The following KHDRBS2 variants were observed in gnomAD, a reference collection of about 807,000 sequenced individuals.
KHDRBS2 encodes the protein KH RNA binding domain containing, signal transduction associated 2.
Under a neutral mutation model 44.3 loss-of-function variants are expected in KHDRBS2, and 26 were observed. The ratio of observed to expected loss-of-function variants is 0.59; its 90% CI spans 0.43 to 0.81. The LOEUF (loss-of-function observed/expected upper bound fraction) is 0.81, where lower values mean the gene tolerates loss of function less well. KHDRBS2 is among the 40% of genes least tolerant of loss of function. The pLI is 0.00. For synonymous variants in KHDRBS2, 194 were observed against 151.1 expected, an observed-to-expected ratio of 1.28 and a Z score of -2.08; for missense variants, 476 against 433.1, an observed-to-expected ratio of 1.10 and a Z score of -0.88.
chr6:61,613,614 C>G, the KHDRBS2 span, among the ~76,000 whole-genome samples: 95 of 150,970 alleles, frequency 6.3e-4, no homozygotes, highest in Admixed American at 1.1e-3. Flanking sequence ...TCATTACAAT[C>G]TTGCTTTATT....
chr6:61,681,002 G>A lies in KHDRBS2; in HGVS notation c.1011C>T (p.Ala337=). 1.2e-6 allele frequency: 2 copies of A among 1,611,748 alleles called. No homozygotes were observed. Among genetic ancestry groups the A allele is most frequent in the African/African-American group, 1.3e-5 (1 of 74,828 alleles). Residue 337 remains alanine, a synonymous_variant, in exon 9 of 9, where the codon GCC becomes GCT. Transcript: ENST00000281156. ...SSLKAPPQRS[A]RGGYREHPYG... ...AGGGGTGTTCCCTGTATCCCCCTCT[G>A]GCTGACCTTTGCGGTGGTGCCTTCA... is the stretch of plus-strand genomic sequence containing the variant.
intron 1 of KHDRBS2, among the ~76,000 whole-genome samples, chr6:62,196,922 T>C (rs938628100): frequency 2.0e-5 from 3 of 152,096 alleles, no homozygotes; most frequent in Non-Finnish European, 2.9e-5. Context: ...CCATAAAGCA[T>C]AGATGTCTTC....
intron 2 of KHDRBS2, among the ~76,000 whole-genome samples, chr6:62,083,137 G>A (rs528562587): frequency 2.6e-5 from 4 of 151,934 alleles, no homozygotes; most frequent in South Asian, 2.1e-4. Flanking sequence ...CCCTGCCCCC[G>A]ATTCTGTAGC....
At chr6:62,176,111 A>T (rs920924774) in intron 2 of KHDRBS2, among the ~76,000 whole-genome samples, 21 of 151,358 alleles carry the variant, frequency 1.4e-4, no homozygotes, top group Admixed American at 1.3e-3. Context: ...ACATATTTCT[A>T]CCTTATTTCA....
At chr6:62,072,735 C>T (rs554428452) in intron 2 of KHDRBS2, among the ~76,000 whole-genome samples, 59 of 152,130 alleles carry the variant, frequency 3.9e-4, no homozygotes, top group Admixed American at 5.9e-4. Flanking sequence ...CTGCTGGATT[C>T]GGTTTGCCAT....
At chr6:61,882,922 C>G (rs571761475) in intron 6 of KHDRBS2, among the ~76,000 whole-genome samples, 1 of 152,070 alleles carries the variant, frequency 6.6e-6, no homozygotes, top group South Asian at 2.1e-4. Flanking sequence ...CAAAACACAG[C>G]AATTAATGTT....
At chr6:62,249,584 C>T (rs1228498645) in intron 1 of KHDRBS2, among the ~76,000 whole-genome samples, 2 of 151,926 alleles carry the variant, frequency 1.3e-5, no homozygotes, top group Non-Finnish European at 2.9e-5. Flanking sequence ...TATTAAGTAA[C>T]TTAGGAAATA....
chr6:61,542,675 C>T, the KHDRBS2 span, among the ~76,000 whole-genome samples: 1 of 151,870 alleles, frequency 6.6e-6, no homozygotes, highest in African/African-American at 2.4e-5. Context: ...TAATATTGTG[C>T]TTATTTCAAG....
chr6:62,156,733 G>A (rs1050332886), intron 2 of KHDRBS2, among the ~76,000 whole-genome samples: 50 of 151,950 alleles, frequency 3.3e-4, no homozygotes, highest in Non-Finnish European at 2.4e-4. Flanking sequence ...GTGCAGTGGC[G>A]TGATCTCGGC....
At chr6:61,689,887 A>G (rs1442224429) in intron 8 of KHDRBS2, among the ~76,000 whole-genome samples, 1 of 152,008 alleles carries the variant, frequency 6.6e-6, no homozygotes, top group Non-Finnish European at 1.5e-5. Flanking sequence ...ATACATAGAT[A>G]CATATATATT....
At chr6:61,929,691 C>A (rs986838466) in intron 4 of KHDRBS2, among the ~76,000 whole-genome samples, 1 of 151,996 alleles carries the variant, frequency 6.6e-6, no homozygotes, top group Non-Finnish European at 1.5e-5. Flanking sequence ...TGAAATATAA[C>A]AAAAAACACA....
At chr6:61,821,789 A>ATT (rs149243333) in intron 6 of KHDRBS2, among the ~76,000 whole-genome samples, 4 of 149,944 alleles carry the variant, frequency 2.7e-5, no homozygotes, top group Admixed American at 6.7e-5. Flanking sequence ...CATTGTTAAG[A>ATT]TTTTTTTTTC....
At position 62,114,880 on chromosome 6, in the gene KHDRBS2, G is replaced by T. The variant is rs377179834; in HGVS notation, c.219+62305C>A. Among the ~76,000 whole-genome samples the T allele has an allele frequency of 1.0e-4, 15 of 150,368 alleles. No individual in the cohort carries two copies. The South Asian group carries it at 2.5e-3, about 25-fold the overall frequency. ...ATATGTAATAATAATAAACTTTTTA[G>T]AAATTTATGTTAAAAATGGAAAAAA... On this transcript the variant is annotated intron_variant, in intron 2 of 8. Coordinates refer to ENST00000281156, the MANE Select transcript of KHDRBS2 (RefSeq NM_152688.4).
chr6:62,059,292 G>T (rs1791128138), intron 2 of KHDRBS2, among the ~76,000 whole-genome samples: 1 of 132,442 alleles, frequency 7.6e-6, no homozygotes, highest in Admixed American at 8.8e-5. Flanking sequence ...AAAAGGCAGT[G>T]ACAGAAACAA....
chr6:62,046,279 A>G (rs1238620754), intron 3 of KHDRBS2, among the ~76,000 whole-genome samples: 2 of 151,964 alleles, frequency 1.3e-5, no homozygotes, highest in Admixed American at 6.6e-5. Flanking sequence ...ATGAACAGGA[A>G]AAAATGTCCA....
Position 62,286,191 on chromosome 6 carries a change from A to G in KHDRBS2, c.-243T>C, listed in dbSNP as rs1022510265. ...TCGCTCGCGCAGAGCCCCGGCTCACACCAGCGGCCTTAACTGGAGAGGCGG... is the reference window on the plus strand; with the variant it reads ...TCGCTCGCGCAGAGCCCCGGCTCACGCCAGCGGCCTTAACTGGAGAGGCGG... On this transcript the variant is annotated 5_prime_UTR_variant, in exon 1 of 9. Coordinates refer to ENST00000281156, the MANE Select transcript of KHDRBS2 (RefSeq NM_152688.4). 1.9e-6 allele frequency: 1 copy of G among 518,300 alleles called. No individual in the cohort carries two copies. Among genetic ancestry groups the G allele is most frequent in the East Asian group, 3.6e-5 (1 of 27,508 alleles). The allele number at this position is 518,300 out of a possible 1,614,324, so 32.1% of individuals were successfully genotyped here.
chr6:61,898,157 TTAAA>T (rs1439348960), intron 5 of KHDRBS2, among the ~76,000 whole-genome samples: 1 of 152,118 alleles, frequency 6.6e-6, no homozygotes, highest in African/African-American at 2.4e-5. Context: ...ATAAGTGTAA[TTAAA>T]TAACTTCATA....
At chr6:62,011,589 G>A (rs1411981947) in intron 3 of KHDRBS2, among the ~76,000 whole-genome samples, 2 of 151,860 alleles carry the variant, frequency 1.3e-5, no homozygotes, top group Non-Finnish European at 2.9e-5. Context: ...TGCATTAGAC[G>A]GTATCTACTT....
At chr6:61,619,832 T>C in the KHDRBS2 span, among the ~76,000 whole-genome samples, 2 of 152,192 alleles carry the variant, frequency 1.3e-5, no homozygotes, top group Non-Finnish European at 2.9e-5. Context: ...TGATCGGTAC[T>C]TAGATTGTTC....
Sources: gnomAD v4.1 joint callset for allele counts (sites outside exome capture counted in the v4.1 genomes callset) on GRCh38, gnomAD v4.1.1 for gene constraint, MANE v1.5 for transcripts, NCBI Gene and HGNC (gene_info 2026-07-23, HGNC 2026-07-21) for gene names.